Variants in PTPN4 observed in about 807,000 individuals in gnomAD.
PTPN4 encodes the protein tyrosine-protein phosphatase non-receptor type 4.
In PTPN4, 49 loss-of-function variants were observed where a neutral mutation model predicts 135.5. That is an observed-to-expected ratio of 0.36 (90% CI 0.29 to 0.46). The LOEUF (loss-of-function observed/expected upper bound fraction) is 0.46, where lower values mean the gene tolerates loss of function less well. PTPN4 is among the 20% of genes least tolerant of loss of function. PTPN4 has a pLI of 1.00. For synonymous variants in PTPN4, 333 were observed against 369.9 expected (o/e 0.90, Z 1.14); for missense variants, 860 against 1,101.0 (o/e 0.78, Z 3.10).
rs536075001 is a variant in PTPN4, at chr2:119,915,263, T to G, written c.828+21T>G. ...AATTGGTGAGTACGGATTTAATAAT[T>G]ATTGACATAAATGAAGCCTTTTAAG... On this transcript the variant is annotated intron_variant, in intron 11 of 26. Coordinates refer to ENST00000263708, the MANE Select transcript of PTPN4 (RefSeq NM_002830.4). 4.7e-6 allele frequency: 7 copies of G among 1,494,982 alleles called. No homozygotes were observed. In the East Asian group the frequency reaches 1.5e-4, roughly 33 times the overall value. The allele number at this position is 1,494,982 out of a possible 1,614,324, so 92.6% of individuals were successfully genotyped here.
chr2:119,862,999 G>T (rs527686351), intron 3 of PTPN4, among the ~76,000 whole-genome samples: 6 of 152,086 alleles, frequency 3.9e-5, no homozygotes, highest in Non-Finnish European at 8.8e-5. Flanking sequence ...AGTAAAATTA[G>T]TTTTTTATTG....
chr2:119,876,920 T>C (rs1286914139), intron 3 of PTPN4, among the ~76,000 whole-genome samples: 1 of 150,974 alleles, frequency 6.6e-6, no homozygotes, highest in African/African-American at 2.4e-5. Flanking sequence ...TGTGTGTGTG[T>C]GTGTGTGTGT....
chr2:119,783,863 G>C (rs1033493360), intron 1 of PTPN4, among the ~76,000 whole-genome samples: 1 of 152,186 alleles, frequency 6.6e-6, no homozygotes, highest in Non-Finnish European at 1.5e-5. Flanking sequence ...ATTCAAACAG[G>C]GTACAGGAGT....
chr2:119,802,264 G>T (rs202074310), intron 1 of PTPN4, among the ~76,000 whole-genome samples: 1 of 152,148 alleles, frequency 6.6e-6, no homozygotes, highest in East Asian at 1.9e-4. Flanking sequence ...TGAGTGGTGA[G>T]AGCAGATACC....
At chr2:119,760,497 C>CG in intron 1 of PTPN4, 113 bp downstream of exon 1, 1 of 387,326 alleles carries the variant, frequency 2.6e-6, no homozygotes, top group Non-Finnish European at 4.6e-6. Flanking sequence ...GCCGGAGGTA[C>CG]GAGGATGATT....
Position 119,932,484 on chromosome 2 carries a change from A to C in PTPN4, c.1131A>C (p.Ser377=), listed in dbSNP as rs753433563. 5 of 1,611,712 alleles carry C rather than the reference A, an allele frequency of 3.1e-6. No individual in the cohort carries two copies. In the South Asian group the frequency reaches 4.4e-5, roughly 14 times the overall value. The part of the protein sequence containing the change: ...LMDWEVVSRN[S]ISDDRLETQS... The stretch of plus-strand genomic sequence containing the variant: ...ATTGGGAAGTAGTAAGCAGAAATTC[A>C]ATATCTGATGACAGGTTAGAAACAC... The change falls in exon 14 of 27, where the codon TCA becomes TCC. Residue 377 remains serine, a synonymous_variant. Coordinates refer to ENST00000263708, the MANE Select transcript of PTPN4 (RefSeq NM_002830.4).
chr2:119,872,104 T>C (rs1320905475), intron 3 of PTPN4, among the ~76,000 whole-genome samples: 1 of 152,228 alleles, frequency 6.6e-6, no homozygotes, highest in Non-Finnish European at 1.5e-5. Context: ...AATTTTGTTT[T>C]AATTTTATTT....
intron 2 of PTPN4, among the ~76,000 whole-genome samples, chr2:119,815,428 T>C (rs1676969773): frequency 6.6e-6 from 1 of 152,196 alleles, no homozygotes; most frequent in Non-Finnish European, 1.5e-5. Context: ...TTCTTGGAAA[T>C]ATGTTATTTT....
chr2:119,803,370 G>C (rs1013747639), intron 1 of PTPN4, among the ~76,000 whole-genome samples: 2 of 152,044 alleles, frequency 1.3e-5, no homozygotes, highest in Admixed American at 6.5e-5. Flanking sequence ...TTGATATGTT[G>C]TGTTTTCATT....
At chr2:119,838,487 C>A (rs1025640184) in intron 2 of PTPN4, among the ~76,000 whole-genome samples, 1 of 152,232 alleles carries the variant, frequency 6.6e-6, no homozygotes, top group African/African-American at 2.4e-5. Flanking sequence ...TGCAGAGCTG[C>A]TGCTTTGTCT....
At position 119,984,328 on chromosome 2, in the gene PTPN4, A is replaced by T. The variant is rs1251931208; in HGVS notation, c.*7258A>T. ...TTCTTGTAACAGGTGCTATTTGTAAATATGAAGGGGAAAAGTCACTTAGTT... is the reference window on the plus strand; with the variant it reads ...TTCTTGTAACAGGTGCTATTTGTAATTATGAAGGGGAAAAGTCACTTAGTT... On this transcript the variant is annotated 3_prime_UTR_variant, in exon 27 of 27. Coordinates refer to ENST00000263708, the MANE Select transcript of PTPN4 (RefSeq NM_002830.4). Among the ~76,000 whole-genome samples, 1 of 152,172 alleles carries T rather than the reference A, an allele frequency of 6.6e-6. No individual in the cohort carries two copies. The highest frequency in any genetic ancestry group is 1.5e-5 in the Non-Finnish European group (1 of 68,024).
At position 119,979,437 on chromosome 2, in the gene PTPN4, C is replaced by T. The variant is rs1679661296; in HGVS notation, c.*2367C>T. ...AGTTTAGAATTACATTTAAATTTCT[C>T]ATATATGAATTTTTCATCTGGGAAC... On this transcript the variant is annotated 3_prime_UTR_variant, in exon 27 of 27. Transcript: ENST00000263708. The T allele has an allele frequency of 6.6e-6, 1 of 152,070 alleles. No homozygotes were observed. Among genetic ancestry groups the T allele is most frequent in the African/African-American group, 2.4e-5 (1 of 41,436 alleles). The allele number at this position is 152,070 out of a possible 1,614,324, so 9.4% of individuals were successfully genotyped here.
intron 2 of PTPN4, among the ~76,000 whole-genome samples, chr2:119,823,936 C>T (rs754120155): frequency 1.5e-4 from 23 of 152,284 alleles, no homozygotes; most frequent in Non-Finnish European, 2.9e-4. Flanking sequence ...CCTGAGGCCA[C>T]CATGTGGAGA....
Position 119,900,899 on chromosome 2 carries a change from G to A in PTPN4, c.764+93G>A, listed in dbSNP as rs1678392869. ...GCAGTGGCTGTTGAACTATTTTAAT[G>A]TTGTCATTTTACTTGTGAGATAAAC... On this transcript the variant is annotated intron_variant, in intron 10 of 26. Transcript: ENST00000263708. 5.7e-6 allele frequency: 4 copies of A among 703,964 alleles called. No individual in the cohort carries two copies. The Admixed American group carries it at 1.3e-4, about 23-fold the overall frequency. The allele number at this position is 703,964 out of a possible 1,614,324, so 43.6% of individuals were successfully genotyped here. A position where few individuals can be genotyped will look rare whatever the true frequency, so the allele number is the denominator to read the frequency against.
intron 1 of PTPN4, 83 bp from the exon 2 acceptor site, chr2:119,809,754 A>G (rs1291467861): frequency 5.0e-6 from 6 of 1,197,990 alleles, no homozygotes; most frequent in Non-Finnish European, 6.8e-6. Flanking sequence ...TTAATTGAGA[A>G]ATATATAATA....
chr2:119,862,155 G>A (rs2104987578), intron 2 of PTPN4, among the ~76,000 whole-genome samples: 1 of 152,252 alleles, frequency 6.6e-6, no homozygotes, highest in African/African-American at 2.4e-5. Flanking sequence ...AAAGTGAAAA[G>A]TATTTTCAAT....
intron 9 of PTPN4, among the ~76,000 whole-genome samples, chr2:119,889,122 G>A (rs747930563): frequency 7.9e-5 from 12 of 151,976 alleles, no homozygotes; most frequent in African/African-American, 2.2e-4. Flanking sequence ...GTAGTTGTTC[G>A]TAATAGTCTC....
At chr2:119,775,046 A>G (rs1038117995) in intron 1 of PTPN4, among the ~76,000 whole-genome samples, 1 of 150,732 alleles carries the variant, frequency 6.6e-6, no homozygotes, top group African/African-American at 2.4e-5. Context: ...ATTGAGGAGA[A>G]AAGATATCTG....
rs1415945788 is a variant in PTPN4, at chr2:119,877,382, A to G, written c.289+17A>G. The G allele has an allele frequency of 6.2e-7, 1 of 1,611,450 alleles. No homozygotes were observed. Among genetic ancestry groups the G allele is most frequent in the East Asian group, 2.2e-5 (1 of 44,764 alleles). On this transcript the variant is annotated intron_variant, in intron 4 of 26. Coordinates refer to ENST00000263708, the MANE Select transcript of PTPN4 (RefSeq NM_002830.4). ...AGCTAAAGAGTGAGCATACATATTT[A>G]CTTAATGTTTTGCAAGTTTACTTTA... is the stretch of plus-strand genomic sequence containing the variant.
Sources: gnomAD v4.1 joint callset for allele counts (sites outside exome capture counted in the v4.1 genomes callset) on GRCh38, gnomAD v4.1.1 for gene constraint, MANE v1.5 for transcripts, NCBI Gene and HGNC (gene_info 2026-07-23, HGNC 2026-07-21) for gene names.